TBC1D31: variants seen among roughly 807,000 people sequenced by gnomAD.
TBC1D31 encodes WD repeat domain 67.
A neutral mutation model predicts 132.9 loss-of-function variants in TBC1D31; 99 were observed. The ratio of observed to expected loss-of-function variants is 0.74; its 90% CI spans 0.63 to 0.88. The LOEUF (loss-of-function observed/expected upper bound fraction) is 0.88, where lower values mean the gene tolerates loss of function less well. TBC1D31 is among the 40% of genes least tolerant of loss of function. The pLI, the probability that TBC1D31 is intolerant of heterozygous loss-of-function variation, is 0.00. For missense variants in TBC1D31, 1,134 were observed against 1,256.6 expected, an observed-to-expected ratio of 0.90 and a Z score of 1.48; for synonymous variants, 385 against 419.4, an observed-to-expected ratio of 0.92 and a Z score of 1.00.
At chr8:123,154,931 C>CT (rs1822948794), downstream of TBC1D31, among the ~76,000 whole-genome samples, 3 of 152,294 alleles carry the variant, frequency 2.0e-5, no homozygotes, top group South Asian at 6.2e-4. Flanking sequence ...CCAGCACCCT[C>CT]TATTGACAGC....
chr8:123,078,701 A>C (rs144362458), intron 2 of TBC1D31, among the ~76,000 whole-genome samples: 2 of 152,352 alleles, frequency 1.3e-5, no homozygotes, highest in Non-Finnish European at 2.9e-5. Context: ...TGTCAAAAAG[A>C]CACAGTTGCC....
At chr8:123,089,460 T>C (rs2130052586) in intron 4 of TBC1D31, among the ~76,000 whole-genome samples, 1 of 152,330 alleles carries the variant, frequency 6.6e-6, no homozygotes, top group Non-Finnish European at 1.5e-5. Context: ...CATGGGCTCA[T>C]GCCTGTAATC....
At chr8:123,124,610 G>A (rs1819849804) in intron 11 of TBC1D31, among the ~76,000 whole-genome samples, 1 of 152,014 alleles carries the variant, frequency 6.6e-6, no homozygotes, top group African/African-American at 2.4e-5. Context: ...GTACTCAGGT[G>A]CTGAACCATA....
At chr8:123,087,059 G>C (rs958603165) in intron 4 of TBC1D31, among the ~76,000 whole-genome samples, 3 of 152,186 alleles carry the variant, frequency 2.0e-5, no homozygotes, top group African/African-American at 7.2e-5. Flanking sequence ...CAAAATGTTA[G>C]AAGTGGAGAA....
intron 5 of TBC1D31, among the ~76,000 whole-genome samples, chr8:123,096,013 G>A (rs1816802717): frequency 6.6e-6 from 1 of 152,080 alleles, no homozygotes; most frequent in South Asian, 2.1e-4. Context: ...CATTGCTGTG[G>A]TTATTACCCT....
chr8:123,135,262 C>G (rs1466416201), intron 17 of TBC1D31, among the ~76,000 whole-genome samples: 1 of 152,160 alleles, frequency 6.6e-6, no homozygotes, highest in African/African-American at 2.4e-5. Flanking sequence ...TTAGTACTTA[C>G]TATTCAGTTT....
At chr8:123,121,876 A>G (rs1212956508) in intron 11 of TBC1D31, among the ~76,000 whole-genome samples, 1 of 152,214 alleles carries the variant, frequency 6.6e-6, no homozygotes, top group Non-Finnish European at 1.5e-5. Context: ...TTAAAAAATG[A>G]GTAAAGGACT....
In TBC1D31 at chr8:123,097,312, G is replaced by A; in HGVS notation, c.702G>A (p.Lys234=). 6 of 1,614,124 alleles carry A rather than the reference G, an allele frequency of 3.7e-6. No homozygotes were observed. The highest frequency in any genetic ancestry group is 5.1e-6 in the Non-Finnish European group (6 of 1,180,012). ...RDGRILAAGG[K]SNHLHLWCLE... is the part of the protein sequence containing the mutation. The stretch of plus-strand genomic sequence containing the variant: ...GCCGAATCCTGGCTGCTGGAGGCAA[G>A]TCAAATCATCTTCATTTGTGGTGCT... The change falls in exon 6 of 22, where the codon AAG becomes AAA. Residue 234 remains lysine (K), a synonymous_variant. Coordinates refer to ENST00000287380, the MANE Select transcript of TBC1D31 (RefSeq NM_145647.4).
rs750425504 is a variant in TBC1D31, at chr8:123,122,876, G to T, written c.1570+2688G>T. The stretch of plus-strand genomic sequence containing the variant: ...TGAAATCTAAATTTGGGAGATTATT[G>T]TTTCCTCTTGGATGGTCAGCATGAG... On this transcript the variant is annotated intron_variant, in intron 11 of 21. Coordinates refer to ENST00000287380, the MANE Select transcript of TBC1D31 (RefSeq NM_145647.4). Among the ~76,000 whole-genome samples, 169 of 152,144 alleles carry T rather than the reference G, an allele frequency of 1.1e-3. 2 individuals are homozygous for T. The highest frequency in any genetic ancestry group is 2.3e-3 in the Non-Finnish European group (153 of 67,998).
chr8:123,117,596 T>C (rs1177990346), intron 10 of TBC1D31, among the ~76,000 whole-genome samples: 2 of 150,406 alleles, frequency 1.3e-5, no homozygotes, highest in East Asian at 3.9e-4. Flanking sequence ...CTACTAAAAA[T>C]ACAAAAATTA....
At chr8:123,073,124 ACT>A (rs1814080406) in intron 1 of TBC1D31, 1 of 540,812 alleles carries the variant, frequency 1.8e-6, no homozygotes, top group East Asian at 3.4e-5. Context: ...GTGTACCGGG[ACT>A]CTCCTGCTTT....
chr8:123,125,933 G>GT lies in TBC1D31; in HGVS notation c.1571-114dup, dbSNP rs955639613. 1.5e-3 allele frequency: 1,003 copies of GT among 654,618 alleles called. 1 individual carries two copies. Among genetic ancestry groups the GT allele is most frequent in the South Asian group, 2.0e-3 (42 of 21,320 alleles). The allele number at this position is 654,618 out of a possible 1,614,324, so 40.6% of individuals were successfully genotyped here. On this transcript the variant is annotated intron_variant, in intron 11 of 21. Coordinates refer to ENST00000287380, the MANE Select transcript of TBC1D31 (RefSeq NM_145647.4). ...AATCGATTGTCATACAATATAAAGA[G>GT]TTTTTTTTTATTATTCATGGACATA...
At chr8:123,082,104 G>A (rs1025883370) in intron 2 of TBC1D31, among the ~76,000 whole-genome samples, 2 of 152,136 alleles carry the variant, frequency 1.3e-5, no homozygotes, top group African/African-American at 2.4e-5. Flanking sequence ...ATGTTTAAAA[G>A]CAGGTTTATT....
At chr8:123,118,175 G>A (rs1037305383) in intron 10 of TBC1D31, among the ~76,000 whole-genome samples, 2 of 152,178 alleles carry the variant, frequency 1.3e-5, no homozygotes, top group Non-Finnish European at 2.9e-5. Flanking sequence ...TGTTGAATCT[G>A]GGGTTGGTGA....
chr8:123,130,004 T>C (rs980658484), intron 15 of TBC1D31, among the ~76,000 whole-genome samples, 194 bp from the exon 16 acceptor site: 1 of 152,232 alleles, frequency 6.6e-6, no homozygotes, highest in Non-Finnish European at 1.5e-5. Flanking sequence ...ACTGAGCCAG[T>C]GAGCTTTCTA....
chr8:123,102,615 A>C (rs1007157398), intron 7 of TBC1D31: 1 of 181,360 alleles, frequency 5.5e-6, no homozygotes, highest in Non-Finnish European at 1.1e-5. Context: ...CCTGCTCACT[A>C]AAATTTATTT....
At chr8:123,098,106 A>G (rs1350367021) in intron 6 of TBC1D31, among the ~76,000 whole-genome samples, 1 of 152,150 alleles carries the variant, frequency 6.6e-6, no homozygotes, top group Non-Finnish European at 1.5e-5. Flanking sequence ...TGTATATATC[A>G]TGTCCATTTT....
chr8:123,149,973 G>T, intron 20 of TBC1D31, 63 bp from the exon 21 acceptor site: 2 of 1,186,844 alleles, frequency 1.7e-6, no homozygotes, highest in South Asian at 2.6e-5. Flanking sequence ...GGGACCATTT[G>T]GAATTAGTAA....
intron 14 of TBC1D31, among the ~76,000 whole-genome samples, chr8:123,128,735 G>T (rs377169200): frequency 4.5e-4 from 68 of 151,990 alleles, no homozygotes; most frequent in South Asian, 1.2e-3. Context: ...AATTAGCCAG[G>T]CATGGTGGCA....
Sources: gnomAD v4.1 joint callset for allele counts (sites outside exome capture counted in the v4.1 genomes callset) on GRCh38, gnomAD v4.1.1 for gene constraint, MANE v1.5 for transcripts, NCBI Gene and HGNC (gene_info 2026-07-23, HGNC 2026-07-21) for gene names.